Variants in ZCWPW2 observed in about 807,000 individuals in gnomAD.
ZCWPW2 encodes zinc finger CW-type and PWWP domain containing 2, also known as zinc finger CW-type PWWP domain protein 2.
A neutral mutation model predicts 46.6 loss-of-function variants in ZCWPW2; 45 were observed. The ratio of observed to expected loss-of-function variants is 0.96; its 90% CI spans 0.76 to 1.24. The LOEUF is 1.24. ZCWPW2 is among the 50% of genes most tolerant of loss of function. The pLI is 0.00. For synonymous variants in ZCWPW2, 152 were observed against 137.1 expected (o/e 1.11, Z -0.76); for missense variants, 429 against 403.9 (o/e 1.06, Z -0.53).
intron 4 of ZCWPW2, among the ~76,000 whole-genome samples, chr3:28,474,610 TGTGTGTGTGTGCGCGCGC>T (rs1183496449): frequency 6.7e-5 from 10 of 149,674 alleles, no homozygotes; most frequent in African/African-American, 1.7e-4. Context: ...TGTGTGTGTG[TGTGTGTGTGTGCGCGCGC>T]GCGCGCGCGC....
chr3:28,518,706 A>C (rs1700644609), intron 8 of ZCWPW2, among the ~76,000 whole-genome samples: 1 of 152,226 alleles, frequency 6.6e-6, no homozygotes, highest in Admixed American at 6.5e-5. Flanking sequence ...TTAGAAATAT[A>C]AAGATGTTTG....
In ZCWPW2 at chr3:28,348,980, C is replaced by A. The variant is rs1577152166; in HGVS notation, c.-357C>A. ...ATTGGAAGTGTGGATGAGCTCTCAG[C>A]CGGAAAAGGGGCTGCCGCTGTCCGC... On this transcript the variant is annotated 5_prime_UTR_variant, in exon 1 of 10. Coordinates refer to ENST00000383768, the MANE Select transcript of ZCWPW2 (RefSeq NM_001040432.4). The A allele has an allele frequency of 1.0e-5, 10 of 985,702 alleles. No homozygotes were observed. The South Asian group carries it at 2.8e-4, about 28-fold the overall frequency. 61.1% of individuals were successfully genotyped at this position (985,702 alleles called of 1,614,324 possible).
intron 4 of ZCWPW2, among the ~76,000 whole-genome samples, chr3:28,459,108 T>C (rs751741546): frequency 2.6e-5 from 4 of 152,174 alleles, no homozygotes; most frequent in Non-Finnish European, 5.9e-5. Context: ...CGGTGGCTCA[T>C]GCCTGTAATC....
At chr3:28,400,728 A>G (rs571416629) in intron 2 of ZCWPW2, among the ~76,000 whole-genome samples, 1 of 152,352 alleles carries the variant, frequency 6.6e-6, no homozygotes, top group South Asian at 2.1e-4. Context: ...TCTTTTTCAT[A>G]CAAACAAATG....
At chr3:28,493,121 TTA>T (rs1238054431) in intron 6 of ZCWPW2, among the ~76,000 whole-genome samples, 1 of 125,610 alleles carries the variant, frequency 8.0e-6, no homozygotes, top group African/African-American at 3.0e-5. Flanking sequence ...TGGTTTATCT[TTA>T]TTTTTTTTTA....
chr3:28,394,126 C>CT (rs1695602293), intron 2 of ZCWPW2, among the ~76,000 whole-genome samples: 1 of 151,902 alleles, frequency 6.6e-6, no homozygotes, highest in South Asian at 2.1e-4. Flanking sequence ...TTTTTGTACA[C>CT]TAACAAGAGC....
intron 4 of ZCWPW2, 97 bp downstream of exon 4, chr3:28,435,366 A>C: frequency 8.3e-7 from 1 of 1,203,186 alleles, no homozygotes; most frequent in Non-Finnish European, 1.1e-6. Flanking sequence ...AGTTGCTTTT[A>C]GATTGATATA....
chr3:28,487,383 G>T (rs1009018513), intron 5 of ZCWPW2, among the ~76,000 whole-genome samples: 1 of 151,856 alleles, frequency 6.6e-6, no homozygotes, highest in Non-Finnish European at 1.5e-5. Context: ...CAGCCATGTC[G>T]AGTCTACTGA....
In ZCWPW2 at chr3:28,484,170, G is replaced by T. The variant is rs373792961; in HGVS notation, c.610+5239G>T. 3.3e-4 allele frequency among the ~76,000 whole-genome samples: 47 copies of T among 144,076 alleles called. 2 individuals are homozygous for T. Among genetic ancestry groups the T allele is most frequent in the East Asian group, 1.8e-3 (9 of 4,918 alleles). The allele number at this position is 144,076 out of a possible 152,430, so 94.5% of individuals were successfully genotyped here. On this transcript the variant is annotated intron_variant, in intron 5 of 9. Coordinates refer to ENST00000383768, the MANE Select transcript of ZCWPW2 (RefSeq NM_001040432.4). ...GTTCCCGTCCTCCTTGTTTCCTGAG[G>T]TTTTTTTTTTTCATACGCTTTTCTG... is the stretch of plus-strand genomic sequence containing the variant.
rs546754756 is a variant in ZCWPW2 at position 28,369,965 on chromosome 3, G to T, written c.-133-20533G>T. ...GTAGGACCCTCCGAGCCAGGCACAG[G>T]ATATAATCTCCTGGTGTGCTGTTTG... On this transcript the variant is annotated intron_variant, in intron 1 of 9. Coordinates refer to ENST00000383768, the MANE Select transcript of ZCWPW2 (RefSeq NM_001040432.4). Among the ~76,000 whole-genome samples the T allele has an allele frequency of 2.3e-4, 35 of 152,322 alleles. No homozygotes were observed. The South Asian group carries it at 7.0e-3, about 31-fold the overall frequency.
At chr3:28,377,820 G>C (rs1705550318) in intron 1 of ZCWPW2, among the ~76,000 whole-genome samples, 1 of 151,988 alleles carries the variant, frequency 6.6e-6, no homozygotes, top group Non-Finnish European at 1.5e-5. Flanking sequence ...ATTCAATGTA[G>C]ACCTAAAGCA....
intron 2 of ZCWPW2, among the ~76,000 whole-genome samples, chr3:28,408,486 G>T (rs1696255247): frequency 6.6e-6 from 1 of 151,924 alleles, no homozygotes; most frequent in South Asian, 2.1e-4. Flanking sequence ...ACTTTATTTT[G>T]TGAGGAATAG....
chr3:28,406,244 A>G (rs1028544137), intron 2 of ZCWPW2, among the ~76,000 whole-genome samples: 3 of 152,218 alleles, frequency 2.0e-5, no homozygotes, highest in African/African-American at 7.2e-5. Flanking sequence ...AGAATGAGAA[A>G]GCATGTTCAG....
chr3:28,380,951 T>C lies in ZCWPW2; in HGVS notation c.-133-9547T>C, dbSNP rs1178961175. Among the ~76,000 whole-genome samples, 4 of 44,892 alleles carry C rather than the reference T, an allele frequency of 8.9e-5. 1 individual carries two copies. The highest frequency in any genetic ancestry group is 1.5e-4 in the Non-Finnish European group (4 of 26,128). 29.5% of individuals were successfully genotyped at this position (44,892 alleles called of 152,430 possible). A position where few individuals can be genotyped will look rare whatever the true frequency, so the allele number is the denominator to read the frequency against. On this transcript the variant is annotated intron_variant, in intron 1 of 9. Coordinates refer to ENST00000383768, the MANE Select transcript of ZCWPW2 (RefSeq NM_001040432.4). Reference sequence around the variant, plus strand: ...TATATTTGGTATATATATATATATATATATATATATATATATATATTTGGT... The same window carrying C: ...TATATTTGGTATATATATATATATACATATATATATATATATATATTTGGT...
intron 4 of ZCWPW2, among the ~76,000 whole-genome samples, chr3:28,472,358 G>T (rs956162978): frequency 6.6e-6 from 1 of 152,134 alleles, no homozygotes; most frequent in Non-Finnish European, 1.5e-5. Context: ...AAATGGTATG[G>T]TATTGGCATG....
intron 6 of ZCWPW2, among the ~76,000 whole-genome samples, chr3:28,510,413 T>C (rs1385750640): frequency 2.6e-5 from 4 of 152,188 alleles, no homozygotes; most frequent in Non-Finnish European, 4.4e-5. Context: ...TATTTTTGCT[T>C]TTCTTTTGAC....
At chr3:28,496,837 G>C (rs1700003307) in intron 6 of ZCWPW2, among the ~76,000 whole-genome samples, 2 of 151,592 alleles carry the variant, frequency 1.3e-5, no homozygotes, top group African/African-American at 4.8e-5. Context: ...TGGTTCACAA[G>C]TGAAGAAAAC....
At chr3:28,383,461 T>A (rs1695168256) in intron 1 of ZCWPW2, among the ~76,000 whole-genome samples, 1 of 152,180 alleles carries the variant, frequency 6.6e-6, no homozygotes, top group Admixed American at 6.5e-5. Flanking sequence ...ACTGAAAACC[T>A]GCACAATGCA....
intron 1 of ZCWPW2, among the ~76,000 whole-genome samples, chr3:28,385,292 C>G (rs1305953123): frequency 2.0e-5 from 3 of 152,220 alleles, no homozygotes; most frequent in East Asian, 3.9e-4. Flanking sequence ...CTGAAGCAGA[C>G]AGTGCATAGC....
Sources: gnomAD v4.1 joint callset for allele counts (sites outside exome capture counted in the v4.1 genomes callset) on GRCh38, gnomAD v4.1.1 for gene constraint, MANE v1.5 for transcripts, NCBI Gene and HGNC (gene_info 2026-07-23, HGNC 2026-07-21) for gene names.